The following DENND1A variants were observed in gnomAD, a reference collection of about 807,000 sequenced individuals.
DENND1A encodes the protein DENN domain-containing protein 1A.
Under a neutral mutation model 113.7 loss-of-function variants are expected in DENND1A, and 51 were observed. The observed-to-expected ratio is 0.45, with a 90% confidence interval of 0.36 to 0.57. The LOEUF is 0.57. DENND1A is among the 20% of genes least tolerant of loss of function. The pLI, the probability that DENND1A is intolerant of heterozygous loss-of-function variation, is 0.00. For missense variants in DENND1A, 1,258 were observed against 1,395.9 expected (o/e 0.90, Z 1.57); for synonymous variants, 565 against 570.8 (o/e 0.99, Z 0.14).
chr9:123,893,870 T>A (rs946875917), intron 1 of DENND1A, among the ~76,000 whole-genome samples: 1 of 152,174 alleles, frequency 6.6e-6, no homozygotes, highest in African/African-American at 2.4e-5. Flanking sequence ...TCAAGATGCA[T>A]CTAGAACAGT....
intron 10 of DENND1A, among the ~76,000 whole-genome samples, chr9:123,619,075 T>C (rs985489176): frequency 3.9e-5 from 6 of 151,962 alleles, no homozygotes; most frequent in African/African-American, 1.5e-4. Flanking sequence ...AGCCTCAGAG[T>C]AGCTGGGATT....
intron 2 of DENND1A, among the ~76,000 whole-genome samples, chr9:123,861,825 T>A (rs1464218284): frequency 2.6e-5 from 4 of 152,216 alleles, no homozygotes; most frequent in African/African-American, 9.6e-5. Context: ...GAGTTTCCCT[T>A]TCTGGTTAAA....
chr9:123,816,260 C>T (rs1219003089), intron 2 of DENND1A, among the ~76,000 whole-genome samples: 4 of 152,062 alleles, frequency 2.6e-5, no homozygotes, highest in Non-Finnish European at 4.4e-5. Context: ...CCTTGGCATC[C>T]CAAAGTCCTG....
chr9:123,928,774 C>T, intron 1 of DENND1A: 1 of 985,434 alleles, frequency 1.0e-6, no homozygotes. Context: ...ATTAGTTTCA[C>T]CCTTAAGGCC....
chr9:123,796,192 G>A (rs1236410439), intron 2 of DENND1A, among the ~76,000 whole-genome samples: 1 of 152,146 alleles, frequency 6.6e-6, no homozygotes, highest in Non-Finnish European at 1.5e-5. Context: ...ACAAGGTTTC[G>A]TATCATGTCA....
intron 1 of DENND1A, among the ~76,000 whole-genome samples, chr9:123,925,557 T>C (rs777028707): frequency 1.3e-5 from 2 of 152,342 alleles, no homozygotes; most frequent in East Asian, 1.9e-4. Context: ...TCCACTACTT[T>C]AGAAAGCCTT....
At chr9:123,632,701 C>G (rs775677759) in intron 9 of DENND1A, among the ~76,000 whole-genome samples, 61 of 152,186 alleles carry the variant, frequency 4.0e-4, no homozygotes, top group Non-Finnish European at 5.3e-4. Context: ...TAGCCACACT[C>G]TGTACCATCT....
At chr9:123,854,099 T>C (rs1843784639) in intron 2 of DENND1A, among the ~76,000 whole-genome samples, 1 of 152,214 alleles carries the variant, frequency 6.6e-6, no homozygotes, top group South Asian at 2.1e-4. Flanking sequence ...CAGCAATAAC[T>C]GAGGCAGATG....
chr9:123,717,471 G>C (rs1252004641), intron 5 of DENND1A, among the ~76,000 whole-genome samples: 1 of 152,182 alleles, frequency 6.6e-6, no homozygotes, highest in Non-Finnish European at 1.5e-5. Flanking sequence ...ACAGTTACTG[G>C]GTAGAGTAAG....
intron 10 of DENND1A, among the ~76,000 whole-genome samples, chr9:123,619,226 C>T (rs1307624284): frequency 1.3e-5 from 2 of 152,182 alleles, no homozygotes; most frequent in Non-Finnish European, 2.9e-5. Context: ...GGATTACAGG[C>T]ATGAGCCACC....
intron 2 of DENND1A, among the ~76,000 whole-genome samples, chr9:123,864,939 G>C (rs1036940807): frequency 6.6e-6 from 1 of 152,298 alleles, no homozygotes. Context: ...AGTGAACCAA[G>C]TAAATGATCC....
At chr9:123,516,698 C>T (rs1199022417) in intron 13 of DENND1A, among the ~76,000 whole-genome samples, 4 of 151,576 alleles carry the variant, frequency 2.6e-5, no homozygotes, top group African/African-American at 7.3e-5. Context: ...CTATCCTGGC[C>T]AACATGGTGA....
intron 5 of DENND1A, among the ~76,000 whole-genome samples, chr9:123,699,009 C>T (rs1011987452): frequency 6.6e-6 from 1 of 151,772 alleles, no homozygotes; most frequent in African/African-American, 2.4e-5. Context: ...GAATAAAAGA[C>T]AATTAATTAT....
intron 11 of DENND1A, among the ~76,000 whole-genome samples, chr9:123,603,349 C>G (rs544166591): frequency 9.2e-5 from 14 of 152,250 alleles, no homozygotes; most frequent in Admixed American, 7.2e-4. Flanking sequence ...TGTAAAAGCT[C>G]CATAGTTAAA....
Position 123,454,754 on chromosome 9 carries a change from C to A in DENND1A, c.1212G>T (p.Trp404Cys), listed in dbSNP as rs1416800111. 3 of 1,554,840 alleles carry A rather than the reference C, an allele frequency of 1.9e-6. No individual in the cohort carries two copies. The highest frequency in any genetic ancestry group is 3.9e-5 in the Admixed American group (2 of 51,682). Reference sequence around the variant, plus strand: ...GCATGCTTACCCGGACAGTGGAGAGCCACTGATGGTACAGTTTGTCACTGC... The same window carrying A: ...GCATGCTTACCCGGACAGTGGAGAGACACTGATGGTACAGTTTGTCACTGC... ...YAGSDKLYHQ[W>C]LSTVRKGSGA... Residue 404 changes from tryptophan (W) to cysteine (C), a missense_variant, in exon 16 of 24, where the codon TGG (tryptophan) becomes TGT (cysteine). Around this residue, in one of 2 missense-constraint regions of DENND1A, gnomAD observed 1,159 missense variants for 1,231.7 expected, o/e 0.94. Coordinates refer to ENST00000394215, the MANE Select transcript of DENND1A (RefSeq NM_001352964.2).
intron 5 of DENND1A, among the ~76,000 whole-genome samples, chr9:123,744,091 T>C (rs1235224163): frequency 6.6e-6 from 1 of 152,258 alleles, no homozygotes; most frequent in Non-Finnish European, 1.5e-5. Context: ...TGTAAATTAT[T>C]GTGCAGTGAA....
chr9:123,651,413 C>T (rs924705026), intron 9 of DENND1A, among the ~76,000 whole-genome samples: 3 of 152,204 alleles, frequency 2.0e-5, no homozygotes, highest in Admixed American at 6.5e-5. Flanking sequence ...CACATGCGCG[C>T]ACACACACAC....
chr9:123,883,512 C>A (rs187677729), intron 1 of DENND1A, among the ~76,000 whole-genome samples: 91 of 152,188 alleles, frequency 6.0e-4, no homozygotes, highest in African/African-American at 2.1e-3. Context: ...CAGGTAGGAC[C>A]CAAGAATTGT....
At chr9:123,414,135 A>C in intron 19 of DENND1A, 2 of 997,614 alleles carry the variant, frequency 2.0e-6, no homozygotes, top group Non-Finnish European at 2.4e-6. Flanking sequence ...AGAGAACCCC[A>C]GTTCTCCCAT....
Sources: allele counts gnomAD v4.1 joint callset (sites outside exome capture counted in the v4.1 genomes callset), GRCh38; gene constraint gnomAD v4.1.1; regional missense constraint gnomAD v4.1.1; transcripts MANE v1.5; gene names NCBI Gene and HGNC (gene_info 2026-07-23, HGNC 2026-07-21).